Variants in UNC5B observed in about 807,000 individuals in gnomAD.
UNC5B encodes unc-5 netrin receptor B.
UNC5B carries 56 observed loss-of-function variants against 103.7 expected under a neutral mutation model. The observed-to-expected ratio is 0.54, with a 90% CI of 0.44 to 0.67. The LOEUF (loss-of-function observed/expected upper bound fraction) is 0.67, where lower values mean the gene tolerates loss of function less well. UNC5B is among the 30% of genes least tolerant of loss of function. The pLI is 0.00. For missense variants in UNC5B, 1,194 were observed against 1,284.5 expected, an observed-to-expected ratio of 0.93 and a Z score of 1.08; for synonymous variants, 577 against 542.0, an observed-to-expected ratio of 1.06 and a Z score of -0.90.
chr10:71,257,980 C>A (rs937843141), intron 1 of UNC5B, among the ~76,000 whole-genome samples: 6 of 152,218 alleles, frequency 3.9e-5, no homozygotes, highest in Non-Finnish European at 8.8e-5. Flanking sequence ...GAAACAGAGG[C>A]CAGAGGCTTG....
intron 1 of UNC5B, among the ~76,000 whole-genome samples, chr10:71,232,506 G>C (rs1843703398): frequency 6.6e-6 from 1 of 152,260 alleles, no homozygotes; most frequent in Non-Finnish European, 1.5e-5. Flanking sequence ...TCTTGGCTCA[G>C]CACGGGGCTG....
At position 71,297,355 on chromosome 10, in the gene UNC5B, T is replaced by C. The variant is rs1305136283; in HGVS notation, c.2491-554T>C. On this transcript the variant is annotated intron_variant, in intron 15 of 16. Coordinates refer to ENST00000335350, the MANE Select transcript of UNC5B (RefSeq NM_170744.5). The stretch of plus-strand genomic sequence containing the variant: ...AGGAAGGGCAAGGATTTGCACACAG[T>C]ACACCAGTGGCAAGACTGGATTCGA... Among the ~76,000 whole-genome samples the C allele has an allele frequency of 3.3e-5, 5 of 152,246 alleles. No homozygotes were observed. In the East Asian group the frequency reaches 5.8e-4, roughly 18 times the overall value.
rs1471432687 is a variant in UNC5B, at chr10:71,287,707, A to G, written c.843A>G (p.Gly281=). ...RTCTNPAPLN[G]GAFCEGQAFQ... ...GCACCAACCCCGCTCCACTCAACGG[A>G]GGGGCCTTCTGCGAGGGCCAGGCAT... Residue 281 remains glycine, a synonymous_variant, in exon 6 of 17, where the codon GGA becomes GGG. Coordinates refer to ENST00000335350, the MANE Select transcript of UNC5B (RefSeq NM_170744.5). The G allele has an allele frequency of 5.6e-6, 9 of 1,612,826 alleles. No individual in the cohort carries two copies. Among genetic ancestry groups the G allele is most frequent in the African/African-American group, 1.3e-5 (1 of 74,974 alleles).
At chr10:71,245,031 C>T (rs976158789) in intron 1 of UNC5B, among the ~76,000 whole-genome samples, 2 of 152,244 alleles carry the variant, frequency 1.3e-5, no homozygotes, top group African/African-American at 2.4e-5. Flanking sequence ...AAAAGCTTTT[C>T]AAAACCTCGT....
At position 71,228,795 on chromosome 10, in the gene UNC5B, AC is replaced by A. The variant is rs1843623104; in HGVS notation, c.79+15732del. Among the ~76,000 whole-genome samples, 3 of 152,326 alleles carry A rather than the reference AC, an allele frequency of 2.0e-5. No individual in the cohort carries two copies. The South Asian group carries it at 6.2e-4, about 32-fold the overall frequency. On this transcript the variant is annotated intron_variant, in intron 1 of 16. Transcript: ENST00000335350. ...TTGGCCATTGTGTATGCATTGTCTCACTCAGTCCTTGCGATGGCTCTGGGAG... is the reference window on the plus strand; with the variant it reads ...TTGGCCATTGTGTATGCATTGTCTCATCAGTCCTTGCGATGGCTCTGGGAG...
intron 1 of UNC5B, among the ~76,000 whole-genome samples, chr10:71,271,906 T>C (rs1458683287): frequency 6.6e-6 from 1 of 152,098 alleles, no homozygotes; most frequent in African/African-American, 2.4e-5. Flanking sequence ...TTGTTAGGAA[T>C]GACTTGGCGT....
At chr10:71,250,655 A>T (rs968971167) in intron 1 of UNC5B, among the ~76,000 whole-genome samples, 1 of 152,138 alleles carries the variant, frequency 6.6e-6, no homozygotes, top group Non-Finnish European at 1.5e-5. Context: ...GTGGTGTGGG[A>T]TGGGGAGGTG....
chr10:71,274,804 A>G (rs1225471209), intron 1 of UNC5B, among the ~76,000 whole-genome samples: 4 of 152,114 alleles, frequency 2.6e-5, no homozygotes, highest in Admixed American at 2.6e-4. Context: ...CCTGGGTTCT[A>G]CCTACGCTCT....
chr10:71,295,804 C>T lies in UNC5B; in HGVS notation c.2176-7C>T, dbSNP rs773202627. 6.2e-7 allele frequency: 1 copy of T among 1,611,206 alleles called. No individual in the cohort carries two copies. Among genetic ancestry groups the T allele is most frequent in the South Asian group, 1.1e-5 (1 of 90,816 alleles). Reference sequence around the variant, plus strand: ...GGGTTCCCCTTCCCCATGCCCCTGGCCCACAGGAGGTGCTGGAGCTGGAGC... The same window carrying T: ...GGGTTCCCCTTCCCCATGCCCCTGGTCCACAGGAGGTGCTGGAGCTGGAGC... On this transcript the variant is annotated splice_polypyrimidine_tract_variant and splice_region_variant and intron_variant, in intron 13 of 16. Transcript: ENST00000335350.
At chr10:71,225,824 A>G (rs61852795) in intron 1 of UNC5B, among the ~76,000 whole-genome samples, 22,385 of 129,414 alleles carry the variant, frequency 0.17, 1,883 homozygotes, top group East Asian at 0.27. Context: ...ATGGGTCTTG[A>G]GGACTGCTTG....
intron 13 of UNC5B, among the ~76,000 whole-genome samples, chr10:71,295,072 C>G (rs1845372375): frequency 6.6e-6 from 1 of 152,210 alleles, no homozygotes; most frequent in East Asian, 1.9e-4. Context: ...CTTCATCTCC[C>G]AGGCTCATGG....
At chr10:71,263,857 C>T (rs56196902) in intron 1 of UNC5B, among the ~76,000 whole-genome samples, 2,381 of 152,152 alleles carry the variant, frequency 0.016, 52 homozygotes, top group African/African-American at 0.05. Flanking sequence ...AGGGGACAAA[C>T]AGACAGACAG....
chr10:71,259,467 T>G (rs917774858), intron 1 of UNC5B, among the ~76,000 whole-genome samples: 3 of 151,994 alleles, frequency 2.0e-5, no homozygotes, highest in African/African-American at 7.3e-5. Context: ...TATGAAGCAC[T>G]TCTGCATCTA....
Position 71,281,372 on chromosome 10 carries a change from G to A in UNC5B, c.304+1327G>A, listed in dbSNP as rs181216462. On this transcript the variant is annotated intron_variant, in intron 2 of 16. Coordinates refer to ENST00000335350, the MANE Select transcript of UNC5B (RefSeq NM_170744.5). Reference sequence around the variant, plus strand: ...TTTTTTTTTTTGGAGACAGAGTCTCGCTCTGTCACCCGGGCTAGAGTACAG... The same window carrying A: ...TTTTTTTTTTTGGAGACAGAGTCTCACTCTGTCACCCGGGCTAGAGTACAG... 1.2e-4 allele frequency among the ~76,000 whole-genome samples: 18 copies of A among 148,784 alleles called. No homozygotes were observed. In the East Asian group the frequency reaches 2.6e-3, roughly 21 times the overall value.
At chr10:71,284,990 A>T in intron 3 of UNC5B, 127 bp downstream of exon 3, 2 of 1,334,352 alleles carry the variant, frequency 1.5e-6, no homozygotes, top group South Asian at 2.9e-5. Flanking sequence ...CACGGCAGAG[A>T]CATCCCAGCA....
At chr10:71,245,692 G>T (rs972867705) in intron 1 of UNC5B, among the ~76,000 whole-genome samples, 2 of 152,222 alleles carry the variant, frequency 1.3e-5, no homozygotes, top group African/African-American at 4.8e-5. Flanking sequence ...TCCTAGATCT[G>T]CTCTGTGGGC....
intron 8 of UNC5B, among the ~76,000 whole-genome samples, chr10:71,289,365 C>T (rs867414015): frequency 2.6e-5 from 4 of 152,216 alleles, no homozygotes; most frequent in Non-Finnish European, 5.9e-5. Flanking sequence ...GCCCTCCTCT[C>T]TGGGCCAAGG....
intron 2 of UNC5B, among the ~76,000 whole-genome samples, chr10:71,283,792 A>G (rs1015153466): frequency 1.3e-5 from 2 of 152,086 alleles, no homozygotes; most frequent in Non-Finnish European, 2.9e-5. Context: ...CCTGTTATGT[A>G]GGGAGTTTCC....
intron 1 of UNC5B, among the ~76,000 whole-genome samples, chr10:71,240,930 G>A (rs1360772774): frequency 1.3e-5 from 2 of 152,254 alleles, no homozygotes; most frequent in Non-Finnish European, 2.9e-5. Flanking sequence ...AGGATGGCCT[G>A]CTGAGCTTCT....
Sources: allele counts gnomAD v4.1 joint callset (sites outside exome capture counted in the v4.1 genomes callset), GRCh38; gene constraint gnomAD v4.1.1; transcripts MANE v1.5; gene names NCBI Gene and HGNC (gene_info 2026-07-23, HGNC 2026-07-21).